The following GRIN2B variants were observed in gnomAD, a reference collection of about 807,000 sequenced individuals.
GRIN2B encodes the protein glutamate receptor ionotropic, NMDA 2B.
GRIN2B carries 5 observed loss-of-function variants against 114.5 expected under a neutral mutation model. That is an observed-to-expected ratio of 0.04 (90% CI 0.02 to 0.09). The LOEUF (loss-of-function observed/expected upper bound fraction) is 0.09, where lower values mean the gene tolerates loss of function less well. Among genes scored for constraint, GRIN2B ranks in the 10% least tolerant of loss-of-function variants. The pLI, the probability that GRIN2B is intolerant of heterozygous loss-of-function variation, is 1.00. For synonymous variants in GRIN2B, 787 were observed against 745.1 expected (o/e 1.06, Z -0.92); for missense variants, 1,108 against 1,943.5 (o/e 0.57, Z 8.08).
At chr12:13,958,241 G>T (rs750262622) in intron 2 of GRIN2B, among the ~76,000 whole-genome samples, 2 of 152,134 alleles carry the variant, frequency 1.3e-5, no homozygotes, top group African/African-American at 4.8e-5. Flanking sequence ...AAAAATAATG[G>T]CACTGAAGTG....
chr12:13,591,215 G>A (rs1949004957), intron 10 of GRIN2B, among the ~76,000 whole-genome samples: 1 of 152,166 alleles, frequency 6.6e-6, no homozygotes, highest in Non-Finnish European at 1.5e-5. Flanking sequence ...GAGTGCCTGG[G>A]GCAAGCAGGG....
chr12:13,607,376 ATATATAT>A (rs1949287140), intron 10 of GRIN2B, among the ~76,000 whole-genome samples: 2 of 36,280 alleles, frequency 5.5e-5, no homozygotes, highest in Non-Finnish European at 1.1e-4. Flanking sequence ...ATTATATATT[ATATATAT>A]AATATATATT....
intron 2 of GRIN2B, among the ~76,000 whole-genome samples, chr12:13,957,532 CT>C (rs1867614046): frequency 6.6e-6 from 1 of 152,192 alleles, no homozygotes; most frequent in Admixed American, 6.5e-5. Context: ...TTAGAGCCCC[CT>C]CCACCCCAAT....
intron 10 of GRIN2B, among the ~76,000 whole-genome samples, chr12:13,606,409 G>C (rs1219506573): frequency 6.6e-6 from 1 of 152,142 alleles, no homozygotes; most frequent in Non-Finnish European, 1.5e-5. Context: ...ACAATCAGCT[G>C]TTGGGGGAAT....
intron 2 of GRIN2B, among the ~76,000 whole-genome samples, chr12:13,871,068 G>A (rs565207207): frequency 6.6e-6 from 1 of 152,120 alleles, no homozygotes. Context: ...GACTTTTCAT[G>A]TATAAGGCAA....
chr12:13,973,632 C>G (rs1862969079), intron 2 of GRIN2B, among the ~76,000 whole-genome samples: 2 of 152,114 alleles, frequency 1.3e-5, no homozygotes, highest in African/African-American at 4.8e-5. Flanking sequence ...TCTCAAGTCC[C>G]CTTGGAATGC....
chr12:13,548,539 T>G lies in GRIN2B; in HGVS notation c.*14244A>C, dbSNP rs2136385976. The stretch of plus-strand genomic sequence containing the variant: ...ACAGGGAGTGGTCATCTTGGGGGAA[T>G]AAGATGCTCCAAATACTCATCAGCT... On this transcript the variant is annotated 3_prime_UTR_variant, in exon 14 of 14. Transcript: ENST00000609686. 6.6e-6 allele frequency: 1 copy of G among 151,054 alleles called. No individual in the cohort carries two copies. The highest frequency in any genetic ancestry group is 2.4e-5 in the African/African-American group (1 of 40,986). 9.4% of individuals were successfully genotyped at this position (151,054 alleles called of 1,614,324 possible). A position where few individuals can be genotyped will look rare whatever the true frequency, so the allele number is the denominator to read the frequency against.
At chr12:13,624,461 T>G (rs1452471268) in intron 5 of GRIN2B, among the ~76,000 whole-genome samples, 2 of 152,244 alleles carry the variant, frequency 1.3e-5, no homozygotes, top group East Asian at 3.9e-4. Context: ...CTAAGTGCAA[T>G]GGCACAATCT....
At chr12:13,938,946 CT>C (rs1198013523) in intron 2 of GRIN2B, among the ~76,000 whole-genome samples, 2 of 152,114 alleles carry the variant, frequency 1.3e-5, no homozygotes, top group Non-Finnish European at 2.9e-5. Flanking sequence ...CTTCTCTTCT[CT>C]TTTTGCCATT....
intron 10 of GRIN2B, among the ~76,000 whole-genome samples, chr12:13,589,047 C>T (rs1432537206): frequency 1.3e-5 from 2 of 152,168 alleles, no homozygotes; most frequent in Non-Finnish European, 2.9e-5. Context: ...GTTTCCATGA[C>T]ATTTTGGGAC....
intron 2 of GRIN2B, among the ~76,000 whole-genome samples, chr12:13,869,637 T>C (rs1228665598): frequency 6.6e-6 from 1 of 152,212 alleles, no homozygotes; most frequent in African/African-American, 2.4e-5. Flanking sequence ...ATGACCAAGA[T>C]TACACAGCTA....
At chr12:13,707,288 GA>G (rs1950369050) in intron 4 of GRIN2B, among the ~76,000 whole-genome samples, 1 of 152,058 alleles carries the variant, frequency 6.6e-6, no homozygotes, top group Non-Finnish European at 1.5e-5. Context: ...TCTCACAGGG[GA>G]AAACGCCCAA....
At chr12:13,757,444 C>T (rs1433421874) in intron 3 of GRIN2B, among the ~76,000 whole-genome samples, 1 of 152,138 alleles carries the variant, frequency 6.6e-6, no homozygotes, top group Non-Finnish European at 1.5e-5. Flanking sequence ...GGTGGCCACA[C>T]ATCCATCTTT....
At position 13,547,981 on chromosome 12, in the gene GRIN2B, A is replaced by ATATATATATATATTTTTTTTTTTTTTTT; in HGVS notation, c.*14801_*14802insAAAAAAAAAAAAAAAATATATATATATA. On this transcript the variant is annotated 3_prime_UTR_variant, in exon 14 of 14. Coordinates refer to ENST00000609686, the MANE Select transcript of GRIN2B (RefSeq NM_000834.5). ...TGTGTATATATATATATATATATAT[A>ATATATATATATATTTTTTTTTTTTTTTT]TTTTTTTTTTTTTTCTGAAAGCTAC... 33 of 68,516 alleles carry ATATATATATATATTTTTTTTTTTTTTTT rather than the reference A, an allele frequency of 4.8e-4. No individual in the cohort carries two copies. Among genetic ancestry groups the ATATATATATATATTTTTTTTTTTTTTTT allele is most frequent in the Non-Finnish European group, 6.4e-4 (22 of 34,348 alleles). The allele number at this position is 68,516 out of a possible 1,614,324, so 4.2% of individuals were successfully genotyped here.
intron 4 of GRIN2B, among the ~76,000 whole-genome samples, chr12:13,694,168 T>TAAAGATAAG (rs1388404156): frequency 6.6e-6 from 1 of 152,088 alleles, no homozygotes; most frequent in African/African-American, 2.4e-5. Flanking sequence ...CCAGAAAAAT[T>TAAAGATAAG]AAAGATAAGT....
chr12:13,873,967 G>A (rs1326398979), intron 2 of GRIN2B, among the ~76,000 whole-genome samples: 11 of 152,186 alleles, frequency 7.2e-5, no homozygotes, highest in Admixed American at 7.2e-4. Flanking sequence ...AGATGGGAGA[G>A]AGGGAAAAGA....
chr12:13,564,304 G>C lies in GRIN2B; in HGVS notation c.2934C>G (p.Ser978Arg). ...RTFGNLQLKD[S>R]NVYQDHYHHH... ...GGTGGTAGTGATCTTGGTACACGTT[G>C]CTGTCCTTCAGCTGCAGGTTCCCGA... Residue 978 changes from serine to arginine, a missense_variant, in exon 14 of 14, where the codon AGC becomes AGG. By Grantham distance (110) the Ser-to-Arg change is moderately radical (BLOSUM62 -1). Transcript: ENST00000609686. This position sits in a 1 kb window ranked among gnomAD's most constrained non-coding sequence, Gnocchi z 4.8. 6.2e-7 allele frequency: 1 copy of C among 1,614,208 alleles called. No individual in the cohort carries two copies. The highest frequency in any genetic ancestry group is 8.5e-7 in the Non-Finnish European group (1 of 1,180,046).
At chr12:13,884,295 G>A (rs1003493263) in intron 2 of GRIN2B, among the ~76,000 whole-genome samples, 1 of 151,638 alleles carries the variant, frequency 6.6e-6, no homozygotes, top group Non-Finnish European at 1.5e-5. Flanking sequence ...CTGTGTTTTT[G>A]TTGAATCTAC....
Position 13,581,332 on chromosome 12 carries a change from T to C in GRIN2B, c.2011-9368A>G, listed in dbSNP as rs569088883. ...GTGTTGCACCAAACCATGTTTTCCA[T>C]CACTAAATCTTCCATAATAATACCC... On this transcript the variant is annotated intron_variant, in intron 10 of 13. Transcript: ENST00000609686. Among the ~76,000 whole-genome samples, 3 of 152,290 alleles carry C rather than the reference T, an allele frequency of 2.0e-5. No individual in the cohort carries two copies. In the East Asian group the frequency reaches 5.8e-4, roughly 29 times the overall value.
Sources: allele counts gnomAD v4.1 joint callset (sites outside exome capture counted in the v4.1 genomes callset), GRCh38; gene constraint gnomAD v4.1.1; non-coding constraint Gnocchi (gnomAD v3.1); transcripts MANE v1.5; gene names NCBI Gene and HGNC (gene_info 2026-07-23, HGNC 2026-07-21).